HHLA1: variants seen among roughly 807,000 people sequenced by gnomAD.
HHLA1 encodes HHLA1 neighbor of OC90, also known as HERV-H LTR-associating protein 1.
HHLA1 carries 72 observed loss-of-function variants against 69.9 expected under a neutral mutation model. That is an observed-to-expected ratio of 1.03 (90% CI 0.85 to 1.25). HHLA1 has a LOEUF of 1.25. Among genes scored for constraint, HHLA1 ranks in the 50% most tolerant of loss-of-function variants. The pLI is 0.00. For synonymous variants in HHLA1, 252 were observed against 233.2 expected (o/e 1.08, Z -0.73); for missense variants, 685 against 642.2 (o/e 1.07, Z -0.72).
intron 14 of HHLA1, among the ~76,000 whole-genome samples, chr8:132,072,214 C>T (rs938897349): frequency 6.6e-6 from 1 of 152,018 alleles, no homozygotes; most frequent in African/African-American, 2.4e-5. Context: ...AAGAAGGAGA[C>T]AACAAATTAT....
At chr8:132,084,582 GT>G (rs1439288257) in intron 10 of HHLA1, among the ~76,000 whole-genome samples, 1 of 152,200 alleles carries the variant, frequency 6.6e-6, no homozygotes, top group Admixed American at 6.5e-5. Context: ...TGTCGAGTTT[GT>G]ACTGGGGTCA....
chr8:132,080,925 G>A (rs1823741857), intron 10 of HHLA1: 3 of 152,092 alleles, frequency 2.0e-5, no homozygotes, highest in Admixed American at 6.6e-5. Context: ...AGAATGATAG[G>A]TGATGGCCTG....
At chr8:132,091,518 C>A (rs1401873078) in intron 7 of HHLA1, among the ~76,000 whole-genome samples, 2 of 152,184 alleles carry the variant, frequency 1.3e-5, no homozygotes, top group Non-Finnish European at 1.5e-5. Flanking sequence ...GTCAATTCTC[C>A]CTTTAGAACT....
At chr8:132,095,649 C>A (rs537402859) in intron 6 of HHLA1, 47 bp from the exon 7 acceptor site, 33 of 1,526,220 alleles carry the variant, frequency 2.2e-5, no homozygotes, top group Middle Eastern at 3.4e-4. Flanking sequence ...ACAGACCAGC[C>A]CTGCAACACA....
chr8:132,072,193 G>A (rs767316401), intron 14 of HHLA1, among the ~76,000 whole-genome samples: 40 of 152,038 alleles, frequency 2.6e-4, no homozygotes, highest in Non-Finnish European at 4.0e-4. Context: ...TAGGAGGAAG[G>A]CCAAAGATAA....
intron 3 of HHLA1, 156 bp downstream of exon 3, chr8:132,103,952 A>G: frequency 1.7e-6 from 1 of 590,586 alleles, no homozygotes; most frequent in Non-Finnish European, 3.1e-6. Context: ...TGAACCATAA[A>G]GAAATGAGTA....
intron 3 of HHLA1, among the ~76,000 whole-genome samples, chr8:132,103,366 C>T (rs1023295278): frequency 2.0e-4 from 30 of 152,128 alleles, no homozygotes; most frequent in African/African-American, 7.2e-4. Context: ...GCCTGTAATC[C>T]TAGCACTTTG....
At chr8:132,065,643 G>T (rs1023918188) in intron 16 of HHLA1, among the ~76,000 whole-genome samples, 5 of 152,180 alleles carry the variant, frequency 3.3e-5, no homozygotes, top group South Asian at 2.1e-4. Flanking sequence ...CTGAGTTCAC[G>T]CAGAGAGCAA....
intron 10 of HHLA1, among the ~76,000 whole-genome samples, chr8:132,086,382 T>C (rs893008774): frequency 6.6e-6 from 1 of 152,156 alleles, no homozygotes; most frequent in Non-Finnish European, 1.5e-5. Context: ...TGCAGCCTCA[T>C]TTCCTCTCTC....
chr8:132,100,251 G>A (rs192393781), intron 3 of HHLA1, 117 bp from the exon 4 acceptor site: 65 of 718,674 alleles, frequency 9.0e-5, no homozygotes, highest in Admixed American at 1.7e-4. Context: ...AGTCACTGGC[G>A]GACACTGAGG....
At chr8:132,083,555 A>G (rs979783698) in intron 10 of HHLA1, among the ~76,000 whole-genome samples, 7 of 152,208 alleles carry the variant, frequency 4.6e-5, no homozygotes, top group East Asian at 1.9e-4. Context: ...GCCTTGGGCC[A>G]GCGTTCCAAG....
chr8:132,079,809 T>C lies in HHLA1; in HGVS notation c.834A>G (p.Thr278=). ...GCCTGCCTGTGTTCAGGGTCTCCTC[T>C]GTTTCTGAAGGAGCAGCTGTCTCTG... is the stretch of plus-strand genomic sequence containing the variant. ...PWTETAAPSE[T]EETLNTGRPP... The change falls in exon 11 of 17, where the codon ACA becomes ACG. Residue 278 remains threonine (T), a synonymous_variant. Coordinates refer to ENST00000414222, the MANE Select transcript of HHLA1 (RefSeq NM_001145095.3). The C allele has an allele frequency of 6.4e-7, 1 of 1,551,740 alleles. No homozygotes were observed. Among genetic ancestry groups the C allele is most frequent in the Non-Finnish European group, 8.7e-7 (1 of 1,147,002 alleles).
At chr8:132,065,409 G>A (rs1040364443) in intron 16 of HHLA1, among the ~76,000 whole-genome samples, 1 of 152,176 alleles carries the variant, frequency 6.6e-6, no homozygotes, top group Non-Finnish European at 1.5e-5. Flanking sequence ...AGCCTCCCGA[G>A]TAGCTGGGAC....
chr8:132,109,680 A>G (rs967686542), intron 1 of HHLA1, among the ~76,000 whole-genome samples: 3 of 152,202 alleles, frequency 2.0e-5, no homozygotes, highest in Non-Finnish European at 4.4e-5. Context: ...TCCCAGTCAC[A>G]TGATTTCTAA....
chr8:132,070,361 G>A (rs1823512004), intron 15 of HHLA1: 1 of 701,898 alleles, frequency 1.4e-6, no homozygotes, highest in Admixed American at 2.0e-5. Context: ...GTGGATGATT[G>A]GTAGGGATTT....
At chr8:132,091,082 CTTAG>C (rs145184611) in intron 7 of HHLA1, among the ~76,000 whole-genome samples, 3,753 of 152,240 alleles carry the variant, frequency 0.025, 163 homozygotes, top group African/African-American at 0.086. Flanking sequence ...GGTATTATCT[CTTAG>C]TTATTCCATA....
In HHLA1 at chr8:132,075,814, A is replaced by AT. The variant is rs1197464727; in HGVS notation, c.1315+240dup. On this transcript the variant is annotated intron_variant, in intron 14 of 16. Coordinates refer to ENST00000414222, the MANE Select transcript of HHLA1 (RefSeq NM_001145095.3). ...CTTAATACAAAACCTTGTGGGAAAGATAAAAAAACAGGCATTTTTAGTGCC... is the reference window on the plus strand; with the variant it reads ...CTTAATACAAAACCTTGTGGGAAAGATTAAAAAAACAGGCATTTTTAGTGCC... Among the ~76,000 whole-genome samples the AT allele has an allele frequency of 7.9e-5, 12 of 152,362 alleles. No homozygotes were observed. The East Asian group carries it at 2.1e-3, about 27-fold the overall frequency.
chr8:132,075,109 A>T (rs552080462), intron 14 of HHLA1, among the ~76,000 whole-genome samples: 49 of 152,308 alleles, frequency 3.2e-4, no homozygotes, highest in African/African-American at 1.2e-3. Flanking sequence ...GAGAAAAGGG[A>T]TATAATTTCC....
At position 132,087,794 on chromosome 8, in the gene HHLA1, T is replaced by C. The variant is rs1344274211; in HGVS notation, c.589+51A>G. On this transcript the variant is annotated intron_variant, in intron 9 of 16. Coordinates refer to ENST00000414222, the MANE Select transcript of HHLA1 (RefSeq NM_001145095.3). ...CTTGGGTTTCATCTGCTGGACAGTT[T>C]TGTCTATTTCTCAGCCCAGAGAGCT... 10 of 1,544,046 alleles carry C rather than the reference T, an allele frequency of 6.5e-6. No individual in the cohort carries two copies. In the African/African-American group the frequency reaches 1.1e-4, roughly 17 times the overall value.
Sources: gnomAD v4.1 joint callset for allele counts (sites outside exome capture counted in the v4.1 genomes callset) on GRCh38, gnomAD v4.1.1 for gene constraint, MANE v1.5 for transcripts, NCBI Gene and HGNC (gene_info 2026-07-23, HGNC 2026-07-21) for gene names.